Variants in CEP128 observed in about 807,000 individuals in gnomAD.
CEP128 encodes centrosomal protein 128.
A neutral mutation model predicts 156.7 loss-of-function variants in CEP128; 132 were observed. The observed-to-expected ratio is 0.84, with a 90% confidence interval of 0.73 to 0.97. The LOEUF (loss-of-function observed/expected upper bound fraction) is 0.97, where lower values mean the gene tolerates loss of function less well. Ranked by LOEUF, CEP128 falls within the 50% of genes least tolerant of loss-of-function variation. The probability of loss-of-function intolerance (pLI) is 0.00; values close to 1 mark genes in which losing one functional copy is unlikely to be tolerated. For synonymous variants in CEP128, 469 were observed against 448.9 expected (o/e 1.04, Z -0.57); for missense variants, 1,252 against 1,281.9 (o/e 0.98, Z 0.36).
chr14:80,933,749 T>C (rs72693043), intron 2 of CEP128, among the ~76,000 whole-genome samples: 23,952 of 152,114 alleles, frequency 0.16, 2,181 homozygotes, highest in Admixed American at 0.22. Context: ...AAGTATCCTT[T>C]GGAAGTGCTA....
chr14:80,587,948 T>G lies in CEP128; in HGVS notation c.2807-7525A>C, dbSNP rs1034944425. On this transcript the variant is annotated intron_variant, in intron 19 of 24. Transcript: ENST00000555265. Reference sequence around the variant, plus strand: ...GAAAGTTTATCCTATGCTCTGTTCTTGTTCTAGACTCATAAGGTCAACTGG... The same window carrying G: ...GAAAGTTTATCCTATGCTCTGTTCTGGTTCTAGACTCATAAGGTCAACTGG... Among the ~76,000 whole-genome samples the G allele has an allele frequency of 3.3e-5, 5 of 152,290 alleles. No homozygotes were observed. In the East Asian group the frequency reaches 9.6e-4, roughly 29 times the overall value.
intron 8 of CEP128, among the ~76,000 whole-genome samples, chr14:80,867,522 A>G (rs1405570581): frequency 6.6e-6 from 1 of 152,216 alleles, no homozygotes; most frequent in African/African-American, 2.4e-5. Context: ...AATTCAGCAG[A>G]GATAGAAACC....
At chr14:80,755,392 C>A (rs1899602689) in intron 18 of CEP128, among the ~76,000 whole-genome samples, 1 of 152,164 alleles carries the variant, frequency 6.6e-6, no homozygotes, top group African/African-American at 2.4e-5. Flanking sequence ...CATCTCAACC[C>A]TCTTCCTTCC....
chr14:80,830,062 A>T, intron 13 of CEP128: 1 of 400,012 alleles, frequency 2.5e-6, no homozygotes, highest in Non-Finnish European at 4.5e-6. Flanking sequence ...ACGTGACTTC[A>T]GCAAAATAAT....
At chr14:80,681,953 C>A (rs1279774939) in intron 19 of CEP128, among the ~76,000 whole-genome samples, 1 of 151,896 alleles carries the variant, frequency 6.6e-6, no homozygotes, top group African/African-American at 2.4e-5. Flanking sequence ...AAAAAATAAA[C>A]AAAAATAAGC....
chr14:80,801,866 C>T (rs1883879230), intron 13 of CEP128, among the ~76,000 whole-genome samples: 2 of 134,996 alleles, frequency 1.5e-5, no homozygotes, highest in Middle Eastern at 8.5e-3. Flanking sequence ...CGAGATTGTG[C>T]CACTGCACTC....
At chr14:80,766,010 A>G (rs1900219787) in intron 16 of CEP128, among the ~76,000 whole-genome samples, 1 of 152,170 alleles carries the variant, frequency 6.6e-6, no homozygotes, top group Non-Finnish European at 1.5e-5. Flanking sequence ...TTAAATTCTG[A>G]ATGAGCCTTA....
At chr14:80,752,772 T>G (rs1289754700) in intron 18 of CEP128, among the ~76,000 whole-genome samples, 1 of 152,224 alleles carries the variant, frequency 6.6e-6, no homozygotes, top group Non-Finnish European at 1.5e-5. Flanking sequence ...CTAATTAGTT[T>G]TATGTCCTTA....
intron 3 of CEP128, among the ~76,000 whole-genome samples, chr14:80,916,071 C>T (rs1884533115): frequency 1.3e-5 from 2 of 152,184 alleles, no homozygotes; most frequent in Admixed American, 1.3e-4. Flanking sequence ...GTGAGAAGGG[C>T]TTGACCCTTC....
At position 80,559,313 on chromosome 14, in the gene CEP128, A is replaced by G; in HGVS notation, c.2857-11T>C. Reference sequence around the variant, plus strand: ...TGCAATTACACGGTCCTGCAAAGAAAGCATAATATATAATTATAAAACGAA... The same window carrying G: ...TGCAATTACACGGTCCTGCAAAGAAGGCATAATATATAATTATAAAACGAA... On this transcript the variant is annotated splice_polypyrimidine_tract_variant and intron_variant, in intron 20 of 24. Coordinates refer to ENST00000555265, the MANE Select transcript of CEP128 (RefSeq NM_152446.5). 1 of 1,589,670 alleles carries G rather than the reference A, an allele frequency of 6.3e-7. No individual in the cohort carries two copies. The highest frequency in any genetic ancestry group is 8.5e-7 in the Non-Finnish European group (1 of 1,170,686).
intron 2 of CEP128, chr14:80,955,662 G>A (rs2139668911): frequency 1.9e-6 from 3 of 1,613,516 alleles, no homozygotes; most frequent in Non-Finnish European, 8.5e-7. Context: ...TGGAGAAATA[G>A]CCCCGAGTCC....
At chr14:80,773,571 T>C (rs1448877909) in intron 16 of CEP128, among the ~76,000 whole-genome samples, 2 of 152,178 alleles carry the variant, frequency 1.3e-5, no homozygotes, top group African/African-American at 4.8e-5. Context: ...TATAAGCTCA[T>C]AACTATTTGC....
At position 80,497,502 on chromosome 14, in the gene CEP128, T is replaced by G. The variant is rs750120604; in HGVS notation, c.3262A>C (p.Lys1088Gln). 1 of 1,612,174 alleles carries G rather than the reference T, an allele frequency of 6.2e-7. No individual in the cohort carries two copies. Among genetic ancestry groups the G allele is most frequent in the South Asian group, 1.1e-5 (1 of 90,922 alleles). The change falls in exon 25 of 25, where the codon AAA (lysine) becomes CAA (glutamine). Residue 1088 changes from lysine (K) to glutamine (Q), a missense_variant. Physicochemically the swap from Lys to Gln is moderately conservative, Grantham distance 53. Transcript: ENST00000555265. ...ATMNGTSSQP[K>Q]KEEYGS is the part of the protein sequence containing the mutation. ...TTTTAGCTCCCATATTCCTCTTTTT[T>G]GGGTTGTGAACTTGTTCCATTCATT...
intron 19 of CEP128, among the ~76,000 whole-genome samples, chr14:80,682,993 C>A (rs899588569): frequency 2.6e-5 from 4 of 151,908 alleles, no homozygotes; most frequent in African/African-American, 9.7e-5. Context: ...ACCACCCCCA[C>A]CAAACACACA....
intron 14 of CEP128, among the ~76,000 whole-genome samples, chr14:80,786,827 A>G (rs1229635315): frequency 6.6e-6 from 1 of 152,132 alleles, no homozygotes; most frequent in Admixed American, 6.5e-5. Context: ...CTGTAAAAAG[A>G]GCCAGGCCCA....
chr14:80,653,435 A>G (rs1033278409), intron 19 of CEP128, among the ~76,000 whole-genome samples: 6 of 152,196 alleles, frequency 3.9e-5, no homozygotes, highest in African/African-American at 7.2e-5. Flanking sequence ...TCAAGTACCA[A>G]TTGAGAATCT....
intron 6 of CEP128, among the ~76,000 whole-genome samples, chr14:80,902,382 A>G (rs1031345292): frequency 1.3e-5 from 2 of 152,210 alleles, no homozygotes; most frequent in African/African-American, 2.4e-5. Flanking sequence ...AGCAAGGTGC[A>G]ACTATCAAAA....
chr14:80,523,819 T>C (rs756119261), intron 23 of CEP128, among the ~76,000 whole-genome samples: 1 of 152,132 alleles, frequency 6.6e-6, no homozygotes, highest in Non-Finnish European at 1.5e-5. Flanking sequence ...AAGGAAGAAG[T>C]AGATTAGTAA....
intron 2 of CEP128, among the ~76,000 whole-genome samples, chr14:80,932,589 G>A (rs1885528237): frequency 6.6e-6 from 1 of 152,136 alleles, no homozygotes; most frequent in African/African-American, 2.4e-5. Context: ...AGAGTAGAAT[G>A]GACGTAAGCA....
Sources: gnomAD v4.1 joint callset for allele counts (sites outside exome capture counted in the v4.1 genomes callset) on GRCh38, gnomAD v4.1.1 for gene constraint, MANE v1.5 for transcripts, NCBI Gene and HGNC (gene_info 2026-07-23, HGNC 2026-07-21) for gene names.